The following ADGRL3 variants were observed in gnomAD, a reference collection of about 807,000 sequenced individuals.
ADGRL3 encodes calcium-independent alpha-latrotoxin receptor 3.
A neutral mutation model predicts 153.5 loss-of-function variants in ADGRL3; 62 were observed. The observed-to-expected ratio is 0.40, with a 90% confidence interval of 0.33 to 0.50. The LOEUF (loss-of-function observed/expected upper bound fraction) is 0.50. Among genes scored for constraint, ADGRL3 ranks in the 20% least tolerant of loss-of-function variants. ADGRL3 has a pLI of 0.47. For missense variants in ADGRL3, 1,641 were observed against 1,859.4 expected, an observed-to-expected ratio of 0.88 and a Z score of 2.16; for synonymous variants, 710 against 672.5, an observed-to-expected ratio of 1.06 and a Z score of -0.86.
chr4:61,660,566 C>T lies in ADGRL3; in HGVS notation c.474-16260C>T, dbSNP rs190822031. Reference sequence around the variant, plus strand: ...TGGAGATGGAGATGGTTTTAAAGTACAGGCCAATTCTCCCTAACTAAATGG... The same window carrying T: ...TGGAGATGGAGATGGTTTTAAAGTATAGGCCAATTCTCCCTAACTAAATGG... On this transcript the variant is annotated intron_variant, in intron 5 of 26. Transcript: ENST00000683033. 5.7e-4 allele frequency among the ~76,000 whole-genome samples: 87 copies of T among 152,174 alleles called. 1 individual carries two copies. The highest frequency in any genetic ancestry group is 1.2e-3 in the African/African-American group (48 of 41,534).
At chr4:61,566,299 T>C (rs2149056900) in intron 4 of ADGRL3, among the ~76,000 whole-genome samples, 1 of 152,266 alleles carries the variant, frequency 6.6e-6, no homozygotes, top group Non-Finnish European at 1.5e-5. Context: ...TTTCCCCATC[T>C]TATAAAGACA....
chr4:61,922,516 A>ATTTATTAT (rs2098774540), intron 13 of ADGRL3, among the ~76,000 whole-genome samples: 1 of 152,132 alleles, frequency 6.6e-6, no homozygotes, highest in Non-Finnish European at 1.5e-5. Flanking sequence ...AGATTTTTAA[A>ATTTATTAT]TTTATTATCT....
chr4:61,450,226 T>A (rs2097657597), intron 2 of ADGRL3, among the ~76,000 whole-genome samples: 1 of 152,170 alleles, frequency 6.6e-6, no homozygotes, highest in African/African-American at 2.4e-5. Context: ...TTAATCAACC[T>A]CTACATTAAA....
chr4:61,976,174 A>G (rs2099047333), intron 17 of ADGRL3, among the ~76,000 whole-genome samples: 1 of 152,220 alleles, frequency 6.6e-6, no homozygotes, highest in Admixed American at 6.5e-5. Flanking sequence ...ATAATGGTAT[A>G]TAGTTTGTTT....
At chr4:61,285,704 ATTGTATATT>A (rs940215717) in intron 1 of ADGRL3, among the ~76,000 whole-genome samples, 7 of 151,814 alleles carry the variant, frequency 4.6e-5, no homozygotes, top group Non-Finnish European at 8.8e-5. Context: ...CCTAAAAATT[ATTGTATATT>A]TTGTGAAATG....
chr4:61,267,733 A>G (rs2092936414), intron 1 of ADGRL3, among the ~76,000 whole-genome samples: 1 of 151,798 alleles, frequency 6.6e-6, no homozygotes, highest in East Asian at 1.9e-4. Context: ...GCCTCTCAAT[A>G]AAAAGGCAGG....
intron 1 of ADGRL3, among the ~76,000 whole-genome samples, chr4:61,358,958 T>TTA (rs2096240248): frequency 1.3e-5 from 2 of 152,188 alleles, no homozygotes; most frequent in Non-Finnish European, 2.9e-5. Flanking sequence ...ATCCAACTAA[T>TTA]ATGTCCAAAG....
chr4:61,434,647 T>C (rs2152433999), intron 2 of ADGRL3, among the ~76,000 whole-genome samples: 1 of 152,208 alleles, frequency 6.6e-6, no homozygotes, highest in Non-Finnish European at 1.5e-5. Flanking sequence ...TGTTCTCAAA[T>C]TTCATTTGCA....
At chr4:61,525,146 T>TG (rs2098552075) in intron 4 of ADGRL3, among the ~76,000 whole-genome samples, 1 of 58,332 alleles carries the variant, frequency 1.7e-5, no homozygotes, top group Non-Finnish European at 3.3e-5. Context: ...TGTCATATTT[T>TG]AAAGAAGGAA....
intron 23 of ADGRL3, among the ~76,000 whole-genome samples, chr4:62,032,477 G>A (rs1187712087): frequency 4.0e-5 from 6 of 151,192 alleles, no homozygotes; most frequent in Admixed American, 6.6e-5. Flanking sequence ...TGTGACTTTC[G>A]GCAAGTTAAT....
chr4:61,917,507 T>C (rs980333933), intron 13 of ADGRL3, among the ~76,000 whole-genome samples: 1 of 152,226 alleles, frequency 6.6e-6, no homozygotes, highest in African/African-American at 2.4e-5. Context: ...AGCAGAAAGA[T>C]ATAGTAACTA....
At chr4:61,350,090 C>T (rs899812359) in intron 1 of ADGRL3, among the ~76,000 whole-genome samples, 1 of 151,994 alleles carries the variant, frequency 6.6e-6, no homozygotes, top group Non-Finnish European at 1.5e-5. Context: ...TTACTAAGGA[C>T]TAGGTGATGT....
chr4:62,043,076 T>A (rs1403773927), intron 24 of ADGRL3, among the ~76,000 whole-genome samples: 1 of 152,120 alleles, frequency 6.6e-6, no homozygotes, highest in Non-Finnish European at 1.5e-5. Flanking sequence ...TTTATATTAT[T>A]GTATAGTTTA....
At chr4:61,353,660 C>CT (rs1220459923) in intron 1 of ADGRL3, among the ~76,000 whole-genome samples, 13 of 132,454 alleles carry the variant, frequency 9.8e-5, no homozygotes, top group African/African-American at 3.7e-4. Flanking sequence ...AGGCCAGTCT[C>CT]TAACTCCTGG....
intron 19 of ADGRL3, 110 bp downstream of exon 19, chr4:61,983,713 A>G (rs1314056667): frequency 1.2e-5 from 11 of 898,878 alleles, no homozygotes; most frequent in Non-Finnish European, 1.9e-5. Context: ...TGGGCAGCAA[A>G]TGTGTATAAT....
intron 13 of ADGRL3, among the ~76,000 whole-genome samples, chr4:61,917,656 A>C (rs2098750885): frequency 6.8e-6 from 1 of 148,146 alleles, no homozygotes; most frequent in Admixed American, 6.6e-5. Context: ...AGTATTTGTG[A>C]ATTGCAGAAG....
At chr4:62,070,025 A>G (rs878996912) in intron 26 of ADGRL3, 84 bp from the exon 27 acceptor site, 4 of 1,074,092 alleles carry the variant, frequency 3.7e-6, no homozygotes, top group Non-Finnish European at 5.5e-6. Flanking sequence ...TTCATAGTCA[A>G]TGAATGTTTT....
At chr4:61,446,847 T>TAGA (rs1424959762) in intron 2 of ADGRL3, among the ~76,000 whole-genome samples, 2 of 152,190 alleles carry the variant, frequency 1.3e-5, no homozygotes, top group Non-Finnish European at 2.9e-5. Flanking sequence ...CTACTTGCTA[T>TAGA]AGAAGAGTAA....
intron 9 of ADGRL3, among the ~76,000 whole-genome samples, chr4:61,838,054 A>AT (rs2097963480): frequency 1.3e-5 from 2 of 152,070 alleles, no homozygotes; most frequent in African/African-American, 4.8e-5. Context: ...AGCAAAAAAA[A>AT]GAAAGAGAAA....
Sources: allele counts gnomAD v4.1 joint callset (sites outside exome capture counted in the v4.1 genomes callset), GRCh38; gene constraint gnomAD v4.1.1; transcripts MANE v1.5; gene names NCBI Gene and HGNC (gene_info 2026-07-23, HGNC 2026-07-21).